IKBIP: variants seen among roughly 807,000 people sequenced by gnomAD.
The protein encoded by IKBIP is inhibitor of nuclear factor kappa-B kinase-interacting protein.
A neutral mutation model predicts 31.0 loss-of-function variants in IKBIP; 28 were observed. The ratio of observed to expected loss-of-function variants is 0.90; its 90% CI spans 0.67 to 1.24. The LOEUF (loss-of-function observed/expected upper bound fraction) is 1.24, where lower values mean the gene tolerates loss of function less well. Ranked by LOEUF, IKBIP falls within the 50% of genes most tolerant of loss-of-function variation. IKBIP has a pLI of 0.00. For synonymous variants in IKBIP, 164 were observed against 160.3 expected, an observed-to-expected ratio of 1.02 and a Z score of -0.17; for missense variants, 453 against 441.9, an observed-to-expected ratio of 1.03 and a Z score of -0.23.
chr12:98,619,505 G>A (rs534712576), downstream of IKBIP, among the ~76,000 whole-genome samples: 28 of 152,170 alleles, frequency 1.8e-4, no homozygotes, highest in Non-Finnish European at 2.5e-4. Flanking sequence ...AATACAGTGT[G>A]GTAATAGTCT....
intron 1 of IKBIP, among the ~76,000 whole-genome samples, chr12:98,637,453 G>C (rs1426482159): frequency 6.6e-6 from 1 of 152,134 alleles, no homozygotes; most frequent in African/African-American, 2.4e-5. Flanking sequence ...TCTGTCACCA[G>C]GCTGGAGTGC....
downstream of IKBIP, among the ~76,000 whole-genome samples, chr12:98,619,677 C>T (rs145221692): frequency 3.3e-3 from 507 of 151,918 alleles, 2 homozygotes; most frequent in African/African-American, 0.01. Flanking sequence ...CTTTGTGAGG[C>T]GGGGTGGATG....
chr12:98,631,218 G>GC (rs2097619892), intron 2 of IKBIP, among the ~76,000 whole-genome samples: 1 of 148,492 alleles, frequency 6.7e-6, no homozygotes, highest in African/African-American at 2.5e-5. Flanking sequence ...ACAGGTGTGA[G>GC]CCACCACGCC....
In IKBIP at chr12:98,626,227, A is replaced by G; in HGVS notation, c.837T>C (p.Ala279=). The G allele has an allele frequency of 6.2e-7, 1 of 1,614,152 alleles. No individual in the cohort carries two copies. The highest frequency in any genetic ancestry group is 8.5e-7 in the Non-Finnish European group (1 of 1,180,008). ...GAGAGACTCTGAGAACAGAGTGAAT[A>G]GCACTTTCAATTGTTGGCAAATGTG... The part of the protein sequence containing the change: ...CKTHLPTIES[A]IHSVLRVSQD... The change falls in exon 3 of 3, where the codon GCT becomes GCC. Residue 279 remains alanine, a synonymous_variant. Transcript: ENST00000299157.
At chr12:98,635,576 A>C (rs1742035905) in intron 1 of IKBIP, among the ~76,000 whole-genome samples, 1 of 152,236 alleles carries the variant, frequency 6.6e-6, no homozygotes. Context: ...AAAGTGAAAA[A>C]TTTAGAACAA....
At chr12:98,621,663 A>G (rs1214476916), downstream of IKBIP, among the ~76,000 whole-genome samples, 3 of 152,180 alleles carry the variant, frequency 2.0e-5, no homozygotes, top group Non-Finnish European at 4.4e-5. Context: ...AAGATTCCCA[A>G]TGTTCCTAAG....
rs947372067 is a variant in IKBIP, at chr12:98,637,173, G to GT, written c.180-2761dup. ...GAAATATCATCTCTGATAATTAGTA[G>GT]TTTTTTTTGATTAGCCTCTTACTAA... On this transcript the variant is annotated intron_variant, in intron 1 of 2. Transcript: ENST00000299157. 1.5e-3 allele frequency among the ~76,000 whole-genome samples: 234 copies of GT among 151,702 alleles called. 1 individual carries two copies. Among genetic ancestry groups the GT allele is most frequent in the African/African-American group, 5.5e-3 (228 of 41,356 alleles).
At chr12:98,622,074 T>TAA (rs397850941), downstream of IKBIP, among the ~76,000 whole-genome samples, 27 of 132,284 alleles carry the variant, frequency 2.0e-4, no homozygotes, top group East Asian at 1.1e-3. Context: ...GACTCCATCT[T>TAA]AAAAAAAAAA....
chr12:98,632,489 A>G (rs1189392176), intron 2 of IKBIP, among the ~76,000 whole-genome samples: 21 of 45,660 alleles, frequency 4.6e-4, no homozygotes, highest in African/African-American at 1.9e-3. Context: ...ATCTGAAAAA[A>G]AAAAAAAAAA....
chr12:98,618,619 C>T (rs1377440545), intron 2 of IKBIP, among the ~76,000 whole-genome samples: 1 of 134,992 alleles, frequency 7.4e-6, no homozygotes, highest in African/African-American at 2.8e-5. Flanking sequence ...GAGCCAGACT[C>T]TGTCTCAAAA....
At chr12:98,636,999 C>A (rs545583274) in intron 1 of IKBIP, among the ~76,000 whole-genome samples, 1 of 152,010 alleles carries the variant, frequency 6.6e-6, no homozygotes, top group African/African-American at 2.4e-5. Flanking sequence ...TAGATCTATA[C>A]TATAGATTAG....
In IKBIP at chr12:98,630,954, C is replaced by T. The variant is rs540247933; in HGVS notation, c.297+3342G>A. Among the ~76,000 whole-genome samples the T allele has an allele frequency of 1.9e-3, 292 of 149,904 alleles. 1 individual carries two copies. The highest frequency in any genetic ancestry group is 6.7e-3 in the African/African-American group (275 of 40,756). On this transcript the variant is annotated intron_variant, in intron 2 of 2. Coordinates refer to ENST00000299157, the MANE Select transcript of IKBIP (RefSeq NM_153687.4). ...TTTCTTTTCATTTTTTTTTTTGAGA[C>T]GGAGTTTCGCTCTTGTTGCCCAGGC... is the stretch of plus-strand genomic sequence containing the variant.
chr12:98,630,688 C>G (rs998251981), intron 2 of IKBIP, among the ~76,000 whole-genome samples: 7 of 152,150 alleles, frequency 4.6e-5, no homozygotes, highest in Admixed American at 6.5e-5. Context: ...TATATCTCAT[C>G]TGATCTTTAT....
At position 98,625,852 on chromosome 12, in the gene IKBIP, G is replaced by GTCCC; in HGVS notation, c.*77_*78insGGGA. The GTCCC allele has an allele frequency of 8.5e-7, 1 of 1,175,690 alleles. No homozygotes were observed. The highest frequency in any genetic ancestry group is 1.1e-6 in the Non-Finnish European group (1 of 888,868). The allele number at this position is 1,175,690 out of a possible 1,614,324, so 72.8% of individuals were successfully genotyped here. ...CCAATAATGTAGGATAAGATGAGGC[G>GTCCC]TATCAAAGTAACTCAAAATCAATGG... On this transcript the variant is annotated 3_prime_UTR_variant, in exon 3 of 3. Coordinates refer to ENST00000299157, the MANE Select transcript of IKBIP (RefSeq NM_153687.4).
intron 1 of IKBIP, among the ~76,000 whole-genome samples, chr12:98,638,111 AT>A (rs5800360): frequency 0.11 from 16,018 of 152,046 alleles, 1,779 homozygotes; most frequent in African/African-American, 0.28. Context: ...GGGGATTTCT[AT>A]TTCTAGGATC....
At chr12:98,617,059 A>C (rs1592987172) in intron 2 of IKBIP, among the ~76,000 whole-genome samples, 1 of 152,356 alleles carries the variant, frequency 6.6e-6, no homozygotes, top group East Asian at 1.9e-4. Context: ...TGTAACTTTT[A>C]TGAACAGTTT....
intron 1 of IKBIP, 102 bp from the exon 2 acceptor site, chr12:98,634,515 C>T: frequency 3.5e-6 from 2 of 568,424 alleles, no homozygotes; most frequent in African/African-American, 2.0e-5. Context: ...AACATAAATT[C>T]TGGTATGGGT....
downstream of IKBIP, among the ~76,000 whole-genome samples, chr12:98,620,461 G>A (rs2097609242): frequency 6.6e-6 from 1 of 150,718 alleles, no homozygotes; most frequent in Non-Finnish European, 1.5e-5. Flanking sequence ...CTGCCTCCTG[G>A]TTTCAAGAGA....
chr12:98,620,230 A>G (rs924009291), downstream of IKBIP, among the ~76,000 whole-genome samples: 1 of 150,302 alleles, frequency 6.7e-6, no homozygotes, highest in Admixed American at 6.7e-5. Flanking sequence ...CAGAATATTT[A>G]TTAAATTCCT....
Sources: allele counts gnomAD v4.1 joint callset (sites outside exome capture counted in the v4.1 genomes callset), GRCh38; gene constraint gnomAD v4.1.1; transcripts MANE v1.5; gene names NCBI Gene and HGNC (gene_info 2026-07-23, HGNC 2026-07-21).